DACH2: variants seen among roughly 807,000 people sequenced by gnomAD.
DACH2 encodes the protein dachshund homolog 2.
In DACH2, 17 loss-of-function variants were observed where a neutral mutation model predicts 35.8. The ratio of observed to expected loss-of-function variants is 0.48; its 90% CI spans 0.33 to 0.71. DACH2 has a LOEUF of 0.71. Among genes scored for constraint, DACH2 ranks in the 30% least tolerant of loss-of-function variants. The pLI is 0.02. For synonymous variants in DACH2, 195 were observed against 177.3 expected (o/e 1.10, Z -0.79); for missense variants, 469 against 472.7 (o/e 0.99, Z 0.07).
intron 7 of DACH2, among the ~76,000 whole-genome samples, chrX:86,771,738 C>G: frequency 9.0e-6 from 1 of 111,553 alleles, no homozygotes; most frequent in Non-Finnish European, 1.9e-5. Context: ...TTTAAATAAG[C>G]GTGTACCCTG....
chrX:86,384,532 T>C (rs1278897639), intron 2 of DACH2, among the ~76,000 whole-genome samples: 1 of 112,213 alleles, frequency 8.9e-6, no homozygotes. Flanking sequence ...TTTCTGTTTT[T>C]GATAACACTG....
chrX:86,740,774 T>A (rs939880101), intron 7 of DACH2, among the ~76,000 whole-genome samples: 1 of 109,717 alleles, frequency 9.1e-6, no homozygotes, highest in African/African-American at 3.3e-5. Context: ...TCACCCTGCC[T>A]AATGCACTGG....
At chrX:86,229,694 G>A (rs1281972473) in intron 1 of DACH2, among the ~76,000 whole-genome samples, 6 of 92,325 alleles carry the variant, frequency 6.5e-5, no homozygotes, top group Non-Finnish European at 1.0e-4. Context: ...CCTTTGTGAG[G>A]TATATTCCTA....
chrX:86,620,371 T>C (rs2040054911), intron 3 of DACH2, among the ~76,000 whole-genome samples: 1 of 110,963 alleles, frequency 9.0e-6, no homozygotes, highest in Non-Finnish European at 1.9e-5. Context: ...AGGACTAGAG[T>C]CGGGGAATTG....
At chrX:86,355,393 G>T (rs2035625796) in intron 1 of DACH2, among the ~76,000 whole-genome samples, 1 of 112,241 alleles carries the variant, frequency 8.9e-6, no homozygotes, top group South Asian at 3.7e-4. Flanking sequence ...GGATTGCTGG[G>T]TTGAATGGCA....
Position 86,507,859 on chromosome X carries a change from G to A in DACH2, c.528-6420G>A, listed in dbSNP as rs1424514328. 2.7e-5 allele frequency among the ~76,000 whole-genome samples: 3 copies of A among 111,701 alleles called. No individual in the cohort carries two copies. In the East Asian group the frequency reaches 8.4e-4, roughly 31 times the overall value. On this transcript the variant is annotated intron_variant, in intron 2 of 11. Coordinates refer to ENST00000373125, the MANE Select transcript of DACH2 (RefSeq NM_053281.3). Reference sequence around the variant, plus strand: ...AGGCAACCTGTTACAAATAACTAGGGCATGAAGGGATGAAGGCTTGAATTA... The same window carrying A: ...AGGCAACCTGTTACAAATAACTAGGACATGAAGGGATGAAGGCTTGAATTA...
intron 7 of DACH2, among the ~76,000 whole-genome samples, chrX:86,809,325 TG>T (rs1385793020): frequency 9.0e-6 from 1 of 111,678 alleles, no homozygotes; most frequent in Non-Finnish European, 1.9e-5. Context: ...TTCTAGAACT[TG>T]CCCATTTAAA....
chrX:86,489,215 G>T (rs1324430579), intron 2 of DACH2, among the ~76,000 whole-genome samples: 1 of 109,406 alleles, frequency 9.1e-6, no homozygotes, highest in Admixed American at 9.9e-5. Context: ...ATTTCCTATT[G>T]CACCTCATTC....
chrX:86,385,755 T>C (rs949092820), intron 2 of DACH2, among the ~76,000 whole-genome samples: 3 of 111,539 alleles, frequency 2.7e-5, no homozygotes, highest in Non-Finnish European at 5.7e-5. Context: ...CTCTCTGTCT[T>C]CAAAAATCAC....
intron 1 of DACH2, among the ~76,000 whole-genome samples, chrX:86,372,853 G>A (rs1602451309): frequency 9.0e-6 from 1 of 110,799 alleles, no homozygotes; most frequent in Non-Finnish European, 1.9e-5. Flanking sequence ...AGTCCCCAGT[G>A]TCTATTGTTG....
At chrX:86,799,305 A>G (rs1360540971) in intron 7 of DACH2, 1 of 144,423 alleles carries the variant, frequency 6.9e-6, no homozygotes, top group Non-Finnish European at 1.3e-5. Context: ...TTCTTAGTAG[A>G]AAGTACACTT....
chrX:86,323,668 G>A (rs1416802868), intron 1 of DACH2, among the ~76,000 whole-genome samples: 1 of 111,893 alleles, frequency 8.9e-6, no homozygotes, highest in Non-Finnish European at 1.9e-5. Flanking sequence ...AGGAGCCTGT[G>A]GACAACACCA....
chrX:86,368,539 C>T lies in DACH2; in HGVS notation c.489-8285C>T, dbSNP rs1053246546. Among the ~76,000 whole-genome samples the T allele has an allele frequency of 5.9e-5, 6 of 102,105 alleles. No individual in the cohort carries two copies. The East Asian group carries it at 9.5e-4, about 16-fold the overall frequency. The allele number at this position is 102,105 out of a possible 115,157, so 88.7% of individuals were successfully genotyped here. A position where few individuals can be genotyped will look rare whatever the true frequency, so the allele number is the denominator to read the frequency against. ...TGTTTGAAGAGCTTTCGTCAATAGT[C>T]AATATTTTTACTTTCTTTCTTCTTC... On this transcript the variant is annotated intron_variant, in intron 1 of 11. Coordinates refer to ENST00000373125, the MANE Select transcript of DACH2 (RefSeq NM_053281.3).
intron 7 of DACH2, among the ~76,000 whole-genome samples, chrX:86,764,040 G>A (rs1181310446): frequency 3.6e-5 from 4 of 111,161 alleles, no homozygotes; most frequent in African/African-American, 9.8e-5. Flanking sequence ...ATAATGTTCA[G>A]GTCTTGTTAT....
chrX:86,368,689 A>T (rs1007223530), intron 1 of DACH2, among the ~76,000 whole-genome samples: 2 of 108,531 alleles, frequency 1.8e-5, no homozygotes, highest in Non-Finnish European at 3.8e-5. Flanking sequence ...CAGCCTCCTG[A>T]GTATCTAGGA....
chrX:86,494,667 T>C (rs2038141111), intron 2 of DACH2, among the ~76,000 whole-genome samples: 3 of 112,605 alleles, frequency 2.7e-5, no homozygotes, highest in African/African-American at 9.7e-5. Flanking sequence ...TAAACCACTG[T>C]GCATAATTCT....
At chrX:86,206,233 A>C in intron 1 of DACH2, among the ~76,000 whole-genome samples, 1 of 110,417 alleles carries the variant, frequency 9.1e-6, no homozygotes, top group South Asian at 3.8e-4. Context: ...TGGTATATAC[A>C]TTCAGCCTGT....
At chrX:86,688,038 T>TAATA (rs1171620814) in intron 4 of DACH2, among the ~76,000 whole-genome samples, 1 of 108,701 alleles carries the variant, frequency 9.2e-6, no homozygotes, top group Non-Finnish European at 1.9e-5. Context: ...ACTTAAAGTA[T>TAATA]AATAAAAAAA....
chrX:86,402,437 C>G (rs945612120), intron 2 of DACH2, among the ~76,000 whole-genome samples: 4 of 111,001 alleles, frequency 3.6e-5, no homozygotes, highest in African/African-American at 9.8e-5. Flanking sequence ...TCAGTAGTCA[C>G]AAAGAAAATG....
Sources: gnomAD v4.1 joint callset for allele counts (sites outside exome capture counted in the v4.1 genomes callset) on GRCh38, gnomAD v4.1.1 for gene constraint, MANE v1.5 for transcripts, NCBI Gene and HGNC (gene_info 2026-07-23, HGNC 2026-07-21) for gene names.